Variants in PHTF2 observed in about 807,000 individuals in gnomAD.
PHTF2 encodes the protein protein PHTF2.
PHTF2 carries 60 observed loss-of-function variants against 101.2 expected under a neutral mutation model. The observed-to-expected ratio is 0.59, with a 90% CI of 0.48 to 0.73. The LOEUF is 0.73. Among genes scored for constraint, PHTF2 ranks in the 30% least tolerant of loss-of-function variants. PHTF2 has a pLI of 0.00. For synonymous variants in PHTF2, 311 were observed against 307.3 expected (o/e 1.01, Z -0.13); for missense variants, 747 against 908.7 (o/e 0.82, Z 2.29).
chr7:77,937,904 A>G, intron 13 of PHTF2, 66 bp downstream of exon 12: 1 of 763,544 alleles, frequency 1.3e-6, no homozygotes, highest in African/African-American at 1.9e-5. Flanking sequence ...TAAGATAATT[A>G]CTGGAATATT....
intron 1 of PHTF2, among the ~76,000 whole-genome samples, chr7:77,810,902 A>ATTTTT: frequency 6.6e-6 from 1 of 151,568 alleles, no homozygotes; most frequent in Non-Finnish European, 1.5e-5. Flanking sequence ...TATGTAATTT[A>ATTTTT]TTTTTATTTT....
intron 2 of PHTF2, among the ~76,000 whole-genome samples, chr7:77,852,135 C>T (rs572878223): frequency 6.6e-6 from 1 of 152,184 alleles, no homozygotes; most frequent in South Asian, 2.1e-4. Context: ...AAGCAATCCT[C>T]CTGCCTCAGC....
chr7:77,871,873 G>T (rs1208810811), intron 3 of PHTF2, among the ~76,000 whole-genome samples: 2 of 152,198 alleles, frequency 1.3e-5, no homozygotes, highest in East Asian at 3.9e-4. Flanking sequence ...CATGATGTTG[G>T]ATAAGGCATT....
intron 16 of PHTF2, among the ~76,000 whole-genome samples, chr7:77,949,151 T>C (rs984107067): frequency 3.3e-5 from 5 of 152,132 alleles, no homozygotes; most frequent in African/African-American, 9.7e-5. Context: ...TCTATCATCA[T>C]GAATCAACCT....
chr7:77,951,708 TA>T lies in PHTF2; in HGVS notation c.2210del (p.Lys737ArgfsTer14). 7.6e-7 allele frequency: 1 copy of T among 1,311,484 alleles called. No homozygotes were observed. The allele number at this position is 1,311,484 out of a possible 1,614,324, so 81.2% of individuals were successfully genotyped here. ...GTTTTAAAACTGGCTACTAAACTGC[TA>T]AAGGTAAGAATAGAACTGAAAATGG... On this transcript the variant is annotated frameshift_variant, in exon 18 of 20. Coordinates refer to ENST00000416283, the Ensembl canonical transcript of PHTF2. LOFTEE classifies it high-confidence loss of function.
At chr7:77,921,810 G>A (rs1803490652) in intron 10 of PHTF2, among the ~76,000 whole-genome samples, 1 of 152,006 alleles carries the variant, frequency 6.6e-6, no homozygotes, top group African/African-American at 2.4e-5. Context: ...TCTAAACTCT[G>A]GATATCTTTT....
chr7:77,928,582 A>G (rs1036653803), intron 11 of PHTF2, among the ~76,000 whole-genome samples: 1 of 152,190 alleles, frequency 6.6e-6, no homozygotes, highest in Non-Finnish European at 1.5e-5. Flanking sequence ...CCAAAATCCA[A>G]GGATTCTCAA....
chr7:77,951,593 G>A (rs1414987314), intron 17 of PHTF2, 24 bp from the exon 17 acceptor site: 2 of 924,054 alleles, frequency 2.2e-6, no homozygotes, highest in Non-Finnish European at 3.3e-6. Flanking sequence ...ATAATTTGAA[G>A]CATTTCTATT....
chr7:77,849,258 G>A (rs1268959258), intron 2 of PHTF2, among the ~76,000 whole-genome samples: 2 of 151,672 alleles, frequency 1.3e-5, no homozygotes, highest in African/African-American at 2.4e-5. Flanking sequence ...AGAGTAGCTG[G>A]GATTACAGGC....
At chr7:77,823,852 G>T (rs562329088) in intron 1 of PHTF2, among the ~76,000 whole-genome samples, 1 of 152,180 alleles carries the variant, frequency 6.6e-6, no homozygotes. Flanking sequence ...TGGTCAAATT[G>T]TAAAAGAAGG....
chr7:77,873,460 C>T (rs1371282002), intron 3 of PHTF2, among the ~76,000 whole-genome samples: 3 of 152,116 alleles, frequency 2.0e-5, no homozygotes, highest in African/African-American at 7.2e-5. Context: ...ATCAACCCCC[C>T]CATCTCTAGG....
At chr7:77,815,228 A>C (rs560345049) in intron 1 of PHTF2, among the ~76,000 whole-genome samples, 1 of 152,304 alleles carries the variant, frequency 6.6e-6, no homozygotes, top group African/African-American at 2.4e-5. Context: ...TGCTGGGAAC[A>C]TGCGTGTTGG....
chr7:77,804,300 A>C (rs771128112), intron 1 of PHTF2, among the ~76,000 whole-genome samples: 2 of 152,054 alleles, frequency 1.3e-5, no homozygotes, highest in Non-Finnish European at 2.9e-5. Context: ...TTACTCTTGT[A>C]GTCTCTGTCT....
chr7:77,840,017 T>C (rs1455044414), intron 1 of PHTF2: 1 of 369,736 alleles, frequency 2.7e-6, no homozygotes, highest in African/African-American at 2.1e-5. Context: ...TTCATGCAAA[T>C]AGAACTTTCT....
chr7:77,901,804 C>A, exon 7 of PHTF2: 1 of 1,565,558 alleles, frequency 6.4e-7, no homozygotes, highest in Non-Finnish European at 8.7e-7. Flanking sequence ...CCTTGGACTT[C>A]TCTGACCAGA....
At chr7:77,930,113 C>T (rs1804429933) in intron 12 of PHTF2, among the ~76,000 whole-genome samples, 1 of 151,964 alleles carries the variant, frequency 6.6e-6, no homozygotes, top group Non-Finnish European at 1.5e-5. Context: ...GCCACCACAC[C>T]CGGCTAATTT....
At chr7:77,838,335 G>A (rs1285847877) in intron 1 of PHTF2, among the ~76,000 whole-genome samples, 1 of 152,202 alleles carries the variant, frequency 6.6e-6, no homozygotes, top group African/African-American at 2.4e-5. Flanking sequence ...TTAAGTGGAG[G>A]TGAACTTTGA....
chr7:77,921,636 C>G (rs2150915463), intron 10 of PHTF2, among the ~76,000 whole-genome samples: 1 of 152,240 alleles, frequency 6.6e-6, no homozygotes, highest in Non-Finnish European at 1.5e-5. Flanking sequence ...GCATTTAGCT[C>G]TGATAATGTG....
chr7:77,948,721 T>C (rs559590522), intron 16 of PHTF2, among the ~76,000 whole-genome samples: 1 of 152,084 alleles, frequency 6.6e-6, no homozygotes, highest in Non-Finnish European at 1.5e-5. Flanking sequence ...AAAGTAAAAT[T>C]AAGGCAATGA....
Sources: gnomAD v4.1 joint callset for allele counts (sites outside exome capture counted in the v4.1 genomes callset) on GRCh38, gnomAD v4.1.1 for gene constraint, MANE v1.5 for transcripts, NCBI Gene and HGNC (gene_info 2026-07-23, HGNC 2026-07-21) for gene names.